Variants in VWA5B1 observed in about 807,000 individuals in gnomAD.
The protein encoded by VWA5B1 is von Willebrand factor A domain-containing protein 5B1.
VWA5B1 carries 115 observed loss-of-function variants against 118.2 expected under a neutral mutation model. The ratio of observed to expected loss-of-function variants is 0.97; its 90% CI spans 0.84 to 1.14. VWA5B1 has a LOEUF of 1.14. Ranked by LOEUF, VWA5B1 falls within the 50% of genes most tolerant of loss-of-function variation. The pLI, the probability that VWA5B1 is intolerant of heterozygous loss-of-function variation, is 0.00. For missense variants in VWA5B1, 1,596 were observed against 1,603.8 expected, an observed-to-expected ratio of 1.00 and a Z score of 0.08; for synonymous variants, 682 against 658.4, an observed-to-expected ratio of 1.04 and a Z score of -0.55.
At position 20,337,782 on chromosome 1, in the gene VWA5B1, G is replaced by A. The variant is rs1229885844; in HGVS notation, c.2079G>A (p.Gln693=). ...ACCCACTGCGGAAAGCCAGGCTGCA[G>A]GACCTCACCAACCAGACCAGCCTGG... ...KRYPLRKARL[Q]DLTNQTSLDV... The change falls in exon 14 of 22, where the codon CAG becomes CAA. Residue 693 remains glutamine, a synonymous_variant. Coordinates refer to ENST00000289815, the MANE Select transcript of VWA5B1 (RefSeq NM_001039500.3). 2.6e-6 allele frequency: 4 copies of A among 1,551,688 alleles called. No homozygotes were observed. The highest frequency in any genetic ancestry group is 2.6e-6 in the Non-Finnish European group (3 of 1,147,026).
chr1:20,350,196 G>T lies in VWA5B1; in HGVS notation c.2919G>T (p.Arg973Ser). ...ASPTALFSEA[R>S]SPGREKHGAS... Reference sequence around the variant, plus strand: ...CCACTGCTCTCTTCAGCGAGGCCAGGTCCCCCGGCCGCGAGAAGCACGGTG... The same window carrying T: ...CCACTGCTCTCTTCAGCGAGGCCAGTTCCCCCGGCCGCGAGAAGCACGGTG... Residue 973 changes from arginine (R) to serine (S), a missense_variant, in exon 19 of 22, where the codon AGG becomes AGT. Arg to Ser is a moderately radical substitution (Grantham distance 110). Coordinates refer to ENST00000289815, the MANE Select transcript of VWA5B1 (RefSeq NM_001039500.3). The T allele has an allele frequency of 6.4e-7, 1 of 1,551,190 alleles. No individual in the cohort carries two copies. Among genetic ancestry groups the T allele is most frequent in the South Asian group, 1.2e-5 (1 of 84,062 alleles).
rs2089132920 is a variant in VWA5B1, at chr1:20,319,400, TC to T, written c.862del (p.Leu288Ter). 3.9e-6 allele frequency: 6 copies of T among 1,551,646 alleles called. No homozygotes were observed. The highest frequency in any genetic ancestry group is 5.2e-6 in the Non-Finnish European group (6 of 1,147,008). ...TCTGCAGAGCCCCATATGCCCCATG[TC>T]CTGATAGAGAAAGGGGACATGACCC... ...IHPSEPHMPH[V>X]LIEKGDMTLG... is the part of the protein sequence containing the mutation. On this transcript the variant is annotated frameshift_variant, in exon 7 of 22. Transcript: ENST00000289815. LOFTEE classifies it high-confidence loss of function.
chr1:20,332,984 G>C, intron 12 of VWA5B1, 33 bp downstream of exon 12: 1 of 1,548,932 alleles, frequency 6.5e-7, no homozygotes, highest in Non-Finnish European at 8.7e-7. Flanking sequence ...GGGTCCGTGT[G>C]GGCCCAGAAC....
At chr1:20,303,219 G>C (rs2088546637) in intron 1 of VWA5B1, 1 of 152,334 alleles carries the variant, frequency 6.6e-6, no homozygotes, top group African/African-American at 2.4e-5. Flanking sequence ...CCAGGTAAGA[G>C]GGCAGGTGGC....
intron 7 of VWA5B1, among the ~76,000 whole-genome samples, chr1:20,320,956 A>G (rs1417800069): frequency 6.6e-6 from 1 of 152,092 alleles, no homozygotes. Flanking sequence ...ATCCCTTGGC[A>G]GGGAGAAGAG....
At chr1:20,335,572 G>A (rs1427588859) in intron 12 of VWA5B1, among the ~76,000 whole-genome samples, 1 of 152,184 alleles carries the variant, frequency 6.6e-6, no homozygotes, top group Non-Finnish European at 1.5e-5. Flanking sequence ...ATAGGCTACT[G>A]TTGACTGGAG....
At chr1:20,344,959 T>A (rs1208069028) in intron 16 of VWA5B1, among the ~76,000 whole-genome samples, 1 of 152,162 alleles carries the variant, frequency 6.6e-6, no homozygotes, top group East Asian at 1.9e-4. Context: ...TCCTGAGTCG[T>A]GATCTCAGAT....
chr1:20,330,502 G>A, intron 10 of VWA5B1, 120 bp downstream of exon 10: 1 of 1,236,534 alleles, frequency 8.1e-7, no homozygotes, highest in South Asian at 1.5e-5. Flanking sequence ...ATTCCCAAAG[G>A]GCTTTGCTTC....
At position 20,317,682 on chromosome 1, in the gene VWA5B1, G is replaced by A; in HGVS notation, c.709+7G>A. The A allele has an allele frequency of 6.5e-7, 1 of 1,550,366 alleles. No individual in the cohort carries two copies. The highest frequency in any genetic ancestry group is 8.7e-7 in the Non-Finnish European group (1 of 1,146,304). ...GGGCCATGTCTGCTCGCAGGTGAGA[G>A]GGAGACATCCAGACGGGATGGGTGA... On this transcript the variant is annotated splice_region_variant and intron_variant, in intron 5 of 21. Transcript: ENST00000289815.
intron 1 of VWA5B1, among the ~76,000 whole-genome samples, chr1:20,303,532 A>T (rs976620062): frequency 1.3e-5 from 2 of 152,178 alleles, no homozygotes; most frequent in African/African-American, 4.8e-5. Flanking sequence ...GGAGGAAGCT[A>T]AGGCACAAGG....
chr1:20,299,699 C>T (rs962343714), intron 1 of VWA5B1, among the ~76,000 whole-genome samples: 1 of 152,236 alleles, frequency 6.6e-6, no homozygotes, highest in Non-Finnish European at 1.5e-5. Context: ...CCACCACGCT[C>T]GGCCTCCAGT....
intron 17 of VWA5B1, among the ~76,000 whole-genome samples, chr1:20,346,865 TCCA>T (rs2090017963): frequency 6.6e-6 from 1 of 152,190 alleles, no homozygotes; most frequent in African/African-American, 2.4e-5. Context: ...CCTTCCTAAT[TCCA>T]CCTGTCCCCC....
intron 7 of VWA5B1, among the ~76,000 whole-genome samples, chr1:20,319,956 C>G (rs1337417649): frequency 2.0e-5 from 3 of 152,144 alleles, no homozygotes; most frequent in African/African-American, 7.2e-5. Context: ...GTGGGGAAAG[C>G]CTGAGAAAGA....
At position 20,357,449 on chromosome 1, in the gene VWA5B1, G is replaced by A. The variant is rs1050755995; in HGVS notation, c.*3186G>A. Among the ~76,000 whole-genome samples the A allele has an allele frequency of 6.4e-4, 97 of 152,308 alleles. No homozygotes were observed. The highest frequency in any genetic ancestry group is 2.3e-3 in the African/African-American group (95 of 41,564). ...CAACCTGACCCGTTAATATGTTACT[G>A]TGCGTTGTCAGGCTCCGAGCAGGTG... On this transcript the variant is annotated 3_prime_UTR_variant, in exon 22 of 22. Transcript: ENST00000289815.
At position 20,352,097 on chromosome 1, in the gene VWA5B1, G is replaced by T; in HGVS notation, c.3066G>T (p.Lys1022Asn). Residue 1022 changes from lysine (K) to asparagine (N), a missense_variant, in exon 21 of 22, where the codon AAG becomes AAT. Transcript: ENST00000289815. ...NKSRLLTRAA[K>N]GFLSKPLIKA... ...CCAGGCTACTGACGCGAGCAGCCAA[G>T]GGCTTCCTGAGCAAGCCACTGATCA... The T allele has an allele frequency of 6.4e-7, 1 of 1,551,342 alleles. No homozygotes were observed. Among genetic ancestry groups the T allele is most frequent in the Non-Finnish European group, 8.7e-7 (1 of 1,146,964 alleles).
At chr1:20,309,560 G>A (rs1486331963) in intron 1 of VWA5B1, among the ~76,000 whole-genome samples, 4 of 152,362 alleles carry the variant, frequency 2.6e-5, no homozygotes, top group African/African-American at 7.2e-5. Context: ...TTTGGGGACC[G>A]TGGTGATGCT....
chr1:20,343,403 A>G lies in VWA5B1; in HGVS notation c.2626+10A>G. The G allele has an allele frequency of 9.9e-6, 15 of 1,509,878 alleles. No homozygotes were observed. The highest frequency in any genetic ancestry group is 1.3e-5 in the Non-Finnish European group (15 of 1,131,534). 93.5% of individuals were successfully genotyped at this position (1,509,878 alleles called of 1,614,324 possible). ...GGCGAGATCGAGCAGGGTGAGCGCC[A>G]CGGAACTGCGCCCCTCCCGCGGACG... On this transcript the variant is annotated intron_variant, in intron 16 of 21. Coordinates refer to ENST00000289815, the MANE Select transcript of VWA5B1 (RefSeq NM_001039500.3).
Position 20,319,705 on chromosome 1 carries a change from G to A in VWA5B1, c.966+199G>A, listed in dbSNP as rs550921883. Among the ~76,000 whole-genome samples the A allele has an allele frequency of 3.0e-4, 46 of 152,314 alleles. No homozygotes were observed. The South Asian group carries it at 8.7e-3, about 29-fold the overall frequency. ...CACTTTCAAATGCCCCGTCATCCTGGCTCTATTCCCGCCTCCTGCCAGATC... is the reference window on the plus strand; with the variant it reads ...CACTTTCAAATGCCCCGTCATCCTGACTCTATTCCCGCCTCCTGCCAGATC... On this transcript the variant is annotated intron_variant, in intron 7 of 21. Coordinates refer to ENST00000289815, the MANE Select transcript of VWA5B1 (RefSeq NM_001039500.3).
intron 3 of VWA5B1, among the ~76,000 whole-genome samples, chr1:20,313,240 AGGAAGG>A (rs1383149827): frequency 1.3e-5 from 2 of 152,248 alleles, no homozygotes; most frequent in Non-Finnish European, 2.9e-5. Flanking sequence ...TGAGGCTCAA[AGGAAGG>A]GAGGCAACAA....
Sources: allele counts gnomAD v4.1 joint callset (sites outside exome capture counted in the v4.1 genomes callset), GRCh38; gene constraint gnomAD v4.1.1; transcripts MANE v1.5; gene names NCBI Gene and HGNC (gene_info 2026-07-23, HGNC 2026-07-21).